The following GALNTL6 variants were observed in gnomAD, a reference collection of about 807,000 sequenced individuals.
The protein encoded by GALNTL6 is polypeptide N-acetylgalactosaminyltransferase like 6, also known as polypeptide N-acetylgalactosaminyltransferase-like 6.
GALNTL6 carries 46 observed loss-of-function variants against 73.7 expected under a neutral mutation model. The observed-to-expected ratio is 0.62, with a 90% CI of 0.49 to 0.80. GALNTL6 has a LOEUF of 0.80. Among genes scored for constraint, GALNTL6 ranks in the 30% least tolerant of loss-of-function variants. The pLI is 0.00. For synonymous variants in GALNTL6, 259 were observed against 263.7 expected (o/e 0.98, Z 0.17); for missense variants, 604 against 755.0 (o/e 0.80, Z 2.34).
intron 7 of GALNTL6, among the ~76,000 whole-genome samples, chr4:172,862,442 A>C (rs1028331547): frequency 6.6e-6 from 1 of 152,300 alleles, no homozygotes. Flanking sequence ...AATGGGATAG[A>C]AAAGAAAAAC....
chr4:171,982,359 G>C (rs962975900), intron 2 of GALNTL6, among the ~76,000 whole-genome samples: 10 of 152,012 alleles, frequency 6.6e-5, no homozygotes, highest in Non-Finnish European at 1.3e-4. Context: ...GTGCAGTGGC[G>C]CGATCTCGGC....
At position 172,679,411 on chromosome 4, in the gene GALNTL6, C is replaced by CAAA. The variant is rs61373196; in HGVS notation, c.554-129937_554-129935dup. ...GGGCAATAAGAGAGAAACTCCATCT[C>CAAA]AAAAAAAAAAAAAAAGTAAAAGCCA... On this transcript the variant is annotated intron_variant, in intron 5 of 12. Coordinates refer to ENST00000506823, the MANE Select transcript of GALNTL6 (RefSeq NM_001034845.3). Among the ~76,000 whole-genome samples the CAAA allele has an allele frequency of 5.1e-5, 6 of 117,694 alleles. No homozygotes were observed. The South Asian group carries it at 1.6e-3, about 32-fold the overall frequency. The allele number at this position is 117,694 out of a possible 152,430, so 77.2% of individuals were successfully genotyped here.
intron 5 of GALNTL6, among the ~76,000 whole-genome samples, chr4:172,557,420 C>T (rs72986650): frequency 0.02 from 3,070 of 152,190 alleles, 99 homozygotes; most frequent in African/African-American, 0.066. Context: ...TTAAAAATGC[C>T]TGTTCATCAG....
intron 2 of GALNTL6, among the ~76,000 whole-genome samples, chr4:172,057,501 C>G (rs1269780465): frequency 6.7e-6 from 1 of 149,336 alleles, no homozygotes; most frequent in Admixed American, 6.8e-5. Flanking sequence ...TCAGCCCGGG[C>G]AACATAGTGA....
At chr4:172,973,441 C>T (rs532657401) in intron 10 of GALNTL6, among the ~76,000 whole-genome samples, 40 of 152,102 alleles carry the variant, frequency 2.6e-4, no homozygotes, top group African/African-American at 9.4e-4. Context: ...CACCTCAAGC[C>T]AAATCTAGAA....
intron 2 of GALNTL6, among the ~76,000 whole-genome samples, chr4:172,213,058 T>C (rs34889975): frequency 0.014 from 2,185 of 152,086 alleles, 56 homozygotes; most frequent in African/African-American, 0.05. Context: ...CTTTTCAAAT[T>C]GGCTTCTCAC....
At chr4:172,349,674 G>A (rs1156523190) in intron 5 of GALNTL6, among the ~76,000 whole-genome samples, 1 of 151,914 alleles carries the variant, frequency 6.6e-6, no homozygotes, top group Non-Finnish European at 1.5e-5. Flanking sequence ...CTGATTCAGA[G>A]GTTGCCTAGT....
chr4:172,339,256 ACCACACAC>A, intron 4 of GALNTL6, among the ~76,000 whole-genome samples: 1 of 95,178 alleles, frequency 1.1e-5, no homozygotes, highest in African/African-American at 4.6e-5. Flanking sequence ...ACACACACAC[ACCACACAC>A]ACACACACAC....
intron 3 of GALNTL6, among the ~76,000 whole-genome samples, chr4:172,259,678 T>C (rs868420794): frequency 4.0e-5 from 6 of 151,796 alleles, no homozygotes; most frequent in African/African-American, 1.4e-4. Flanking sequence ...ATGAACTCTT[T>C]GCCTAACCCA....
intron 2 of GALNTL6, among the ~76,000 whole-genome samples, chr4:171,969,428 C>T (rs1739494419): frequency 6.6e-6 from 1 of 152,162 alleles, no homozygotes; most frequent in Admixed American, 6.5e-5. Flanking sequence ...TCCGTGTCCT[C>T]TATATGAATT....
chr4:172,441,226 A>G (rs1357651944), intron 5 of GALNTL6, among the ~76,000 whole-genome samples: 1 of 152,084 alleles, frequency 6.6e-6, no homozygotes, highest in East Asian at 1.9e-4. Context: ...ACCATATCCA[A>G]ATATACACTC....
intron 2 of GALNTL6, among the ~76,000 whole-genome samples, chr4:172,142,323 T>C (rs571077687): frequency 6.6e-6 from 1 of 152,204 alleles, no homozygotes; most frequent in East Asian, 1.9e-4. Context: ...ATTCAGACTT[T>C]CTGATCTTGC....
chr4:172,951,694 C>A (rs1212516300), intron 9 of GALNTL6, among the ~76,000 whole-genome samples: 1 of 152,134 alleles, frequency 6.6e-6, no homozygotes. Context: ...AGTTTCAACA[C>A]CTTTAGTTTA....
chr4:172,578,305 A>T (rs1338982871), intron 5 of GALNTL6, among the ~76,000 whole-genome samples: 6 of 152,226 alleles, frequency 3.9e-5, no homozygotes, highest in African/African-American at 1.4e-4. Context: ...TGTATTTCAA[A>T]TCTGCCACAC....
chr4:172,732,875 T>C (rs1010643551), intron 5 of GALNTL6, among the ~76,000 whole-genome samples: 7 of 152,220 alleles, frequency 4.6e-5, no homozygotes, highest in African/African-American at 9.6e-5. Flanking sequence ...ACATTTTGAC[T>C]TTTAGTTGTC....
At chr4:172,481,210 G>A (rs1218701866) in intron 5 of GALNTL6, among the ~76,000 whole-genome samples, 2 of 151,582 alleles carry the variant, frequency 1.3e-5, no homozygotes, top group Non-Finnish European at 2.9e-5. Context: ...CAGCTCTTAA[G>A]GCAGCCAGTC....
chr4:171,973,790 A>T (rs1739639525), intron 2 of GALNTL6, among the ~76,000 whole-genome samples: 1 of 152,172 alleles, frequency 6.6e-6, no homozygotes. Context: ...TATTGTTATT[A>T]TCGTTATAGA....
chr4:172,425,298 A>T (rs762694030), intron 5 of GALNTL6: 11 of 152,148 alleles, frequency 7.2e-5, no homozygotes, highest in Non-Finnish European at 1.3e-4. Context: ...GTGGAAATCA[A>T]CAAGCTGAAA....
At chr4:172,176,321 C>T (rs1332206354) in intron 2 of GALNTL6, among the ~76,000 whole-genome samples, 7 of 42,994 alleles carry the variant, frequency 1.6e-4, no homozygotes, top group African/African-American at 8.7e-4. Flanking sequence ...ACCTGGGCGA[C>T]AGCGAGACTC....
Sources: allele counts gnomAD v4.1 joint callset (sites outside exome capture counted in the v4.1 genomes callset), GRCh38; gene constraint gnomAD v4.1.1; transcripts MANE v1.5; gene names NCBI Gene and HGNC (gene_info 2026-07-23, HGNC 2026-07-21).